Variants in TRAPPC9 observed in about 807,000 individuals in gnomAD.
TRAPPC9 encodes IKK2 binding protein.
TRAPPC9 carries 83 observed loss-of-function variants against 124.0 expected under a neutral mutation model. The observed-to-expected ratio is 0.67, with a 90% confidence interval of 0.56 to 0.80. The LOEUF is 0.80. TRAPPC9 is among the 30% of genes least tolerant of loss of function. The pLI, the probability that TRAPPC9 is intolerant of heterozygous loss-of-function variation, is 0.00. For missense variants in TRAPPC9, 1,302 were observed against 1,508.3 expected (o/e 0.86, Z 2.27); for synonymous variants, 638 against 617.5 (o/e 1.03, Z -0.49).
At chr8:140,187,409 G>A (rs529767625) in intron 17 of TRAPPC9, among the ~76,000 whole-genome samples, 4 of 152,210 alleles carry the variant, frequency 2.6e-5, no homozygotes, top group South Asian at 2.1e-4. Context: ...GAGTTGGGAC[G>A]CTCGACCTAT....
Position 140,291,010 on chromosome 8 carries a change from G to A in TRAPPC9, c.1837C>T (p.Leu613Phe). ...LMVYNPMPFE[L>F]RVENMGLLTS... ...ATACATACCATGTTTTCAACTCGAA[G>A]TTCAAACGGCATTGGGTTATATACC... The change falls in exon 12 of 23, where the codon CTT (leucine) becomes TTT (phenylalanine). Residue 613 changes from leucine (L) to phenylalanine (F), a missense_variant. By Grantham distance (22) the Leu-to-Phe change is conservative. This residue lies in a region of TRAPPC9 where 657 missense variants were observed against 811.2 expected (regional missense o/e 0.81). Transcript: ENST00000438773. The A allele has an allele frequency of 6.2e-7, 1 of 1,614,142 alleles. No individual in the cohort carries two copies. Among genetic ancestry groups the A allele is most frequent in the Non-Finnish European group, 8.5e-7 (1 of 1,180,012 alleles).
chr8:139,986,978 G>A (rs1334680387), intron 19 of TRAPPC9, among the ~76,000 whole-genome samples: 1 of 152,202 alleles, frequency 6.6e-6, no homozygotes, highest in Non-Finnish European at 1.5e-5. Flanking sequence ...AATTACTTTT[G>A]CAGCAACCTA....
At position 139,730,945 on chromosome 8, in the gene TRAPPC9, C is replaced by G. The variant is rs1817777427; in HGVS notation, c.*116G>C. ...ACAGGAGGAGAGGGCTGGGAGGGGT[C>G]TGGGGGAGGAGGAGGAGATGGGGCT... On this transcript the variant is annotated 3_prime_UTR_variant, in exon 23 of 23. Transcript: ENST00000438773. 107 of 1,179,882 alleles carry G rather than the reference C, an allele frequency of 9.1e-5. 1 individual carries two copies. The South Asian group carries it at 1.2e-3, about 13-fold the overall frequency. 73.1% of individuals were successfully genotyped at this position (1,179,882 alleles called of 1,614,324 possible).
chr8:140,429,233 C>A (rs944073099), intron 4 of TRAPPC9, among the ~76,000 whole-genome samples: 1 of 152,068 alleles, frequency 6.6e-6, no homozygotes, highest in African/African-American at 2.4e-5. Flanking sequence ...AGGTGCGCAC[C>A]ACCACGTCCA....
intron 9 of TRAPPC9, among the ~76,000 whole-genome samples, chr8:140,312,758 CTTTT>C (rs553049081): frequency 1.0e-5 from 1 of 98,582 alleles, no homozygotes. Flanking sequence ...TCTTCTTCTT[CTTTT>C]TTTTTTTTTT....
rs149265982 is a variant in TRAPPC9, at chr8:139,821,509, C to T, written c.3055+64370G>A. Among the ~76,000 whole-genome samples, 173 of 152,346 alleles carry T rather than the reference C, an allele frequency of 1.1e-3. 1 individual carries two copies. The highest frequency in any genetic ancestry group is 4.1e-3 in the African/African-American group (172 of 41,578). On this transcript the variant is annotated intron_variant, in intron 21 of 22. Coordinates refer to ENST00000438773, the MANE Select transcript of TRAPPC9 (RefSeq NM_001160372.4). ...CAAACCCATTTCCTGTATGTTAATA[C>T]ATCTCCATATGCATCAATGTGAGCC...
intron 21 of TRAPPC9, among the ~76,000 whole-genome samples, chr8:139,775,792 C>T (rs972176146): frequency 1.3e-5 from 2 of 152,236 alleles, no homozygotes; most frequent in African/African-American, 4.8e-5. Flanking sequence ...GCCTGCCTGG[C>T]CATGGTCAAG....
At chr8:140,323,765 A>C (rs546711031) in intron 9 of TRAPPC9, among the ~76,000 whole-genome samples, 1 of 152,212 alleles carries the variant, frequency 6.6e-6, no homozygotes, top group African/African-American at 2.4e-5. Flanking sequence ...GAGGAAAAAA[A>C]CAGATATGAC....
intron 2 of TRAPPC9, among the ~76,000 whole-genome samples, chr8:140,443,164 G>A (rs1352481049): frequency 7.8e-5 from 11 of 141,260 alleles, no homozygotes; most frequent in East Asian, 6.3e-4. Flanking sequence ...AGCCAGGCGC[G>A]GTGGCTCACA....
intron 17 of TRAPPC9, among the ~76,000 whole-genome samples, chr8:140,127,685 C>G (rs2061123757): frequency 6.6e-6 from 1 of 152,180 alleles, no homozygotes; most frequent in Admixed American, 6.5e-5. Context: ...ATTTTATCAA[C>G]AAACATTAAA....
At chr8:140,382,955 T>C (rs569367311) in intron 7 of TRAPPC9, among the ~76,000 whole-genome samples, 82 of 152,312 alleles carry the variant, frequency 5.4e-4, no homozygotes, top group African/African-American at 1.8e-3. Flanking sequence ...GGTAGCCCTC[T>C]AAGACGAAAC....
chr8:140,170,011 T>A (rs1183700368), intron 17 of TRAPPC9, among the ~76,000 whole-genome samples: 3 of 152,254 alleles, frequency 2.0e-5, no homozygotes, highest in Non-Finnish European at 4.4e-5. Context: ...GTGCTGGGAC[T>A]ACAGGTGTGA....
intron 11 of TRAPPC9, among the ~76,000 whole-genome samples, chr8:140,299,382 T>C (rs535487574): frequency 1.3e-5 from 2 of 152,316 alleles, no homozygotes; most frequent in Admixed American, 1.3e-4. Context: ...GCCTCTGTCC[T>C]GGAAAGAAAA....
intron 21 of TRAPPC9, among the ~76,000 whole-genome samples, chr8:139,837,641 G>A (rs1250468075): frequency 1.3e-5 from 2 of 152,296 alleles, no homozygotes; most frequent in South Asian, 2.1e-4. Context: ...AGCCCAAGGC[G>A]TTTCTGAGCT....
intron 14 of TRAPPC9, among the ~76,000 whole-genome samples, chr8:140,279,385 G>T (rs1301553820): frequency 6.6e-6 from 1 of 152,162 alleles, no homozygotes; most frequent in Admixed American, 6.5e-5. Flanking sequence ...TAATGAATCA[G>T]TCACTGGAAT....
chr8:140,428,930 C>T (rs1421602635), intron 4 of TRAPPC9, among the ~76,000 whole-genome samples: 2 of 152,112 alleles, frequency 1.3e-5, no homozygotes, highest in Non-Finnish European at 2.9e-5. Flanking sequence ...CTCTCTCTGT[C>T]CCACCCTTTC....
At chr8:140,404,909 C>CGTGTGTGT (rs71320356) in intron 6 of TRAPPC9, among the ~76,000 whole-genome samples, 8,516 of 119,804 alleles carry the variant, frequency 0.071, 498 homozygotes, top group East Asian at 0.31. Context: ...TGTGAGCATG[C>CGTGTGTGT]GTGTGTGTGT....
intron 17 of TRAPPC9, among the ~76,000 whole-genome samples, chr8:140,170,573 A>G (rs2061947802): frequency 1.3e-5 from 2 of 152,228 alleles, no homozygotes; most frequent in South Asian, 4.1e-4. Flanking sequence ...ACATATAGAC[A>G]TCCCACTCTG....
At chr8:139,947,453 T>C (rs1479065158) in intron 19 of TRAPPC9, among the ~76,000 whole-genome samples, 1 of 152,176 alleles carries the variant, frequency 6.6e-6, no homozygotes, top group African/African-American at 2.4e-5. Flanking sequence ...AAATAGACCT[T>C]TGTTATATAT....
Sources: gnomAD v4.1 joint callset for allele counts (sites outside exome capture counted in the v4.1 genomes callset) on GRCh38, gnomAD v4.1.1 for gene constraint, gnomAD v4.1.1 regional missense constraint, MANE v1.5 for transcripts, NCBI Gene and HGNC (gene_info 2026-07-23, HGNC 2026-07-21) for gene names.